CLASP2: variants seen among roughly 807,000 people sequenced by gnomAD.
CLASP2 encodes cytoplasmic linker associated protein 2, also known as CLIP-associating protein 2.
CLASP2 carries 47 observed loss-of-function variants against 194.4 expected under a neutral mutation model. The observed-to-expected ratio is 0.24, with a 90% confidence interval of 0.19 to 0.31. The LOEUF (loss-of-function observed/expected upper bound fraction) is 0.31. CLASP2 is among the 10% of genes least tolerant of loss of function. CLASP2 has a pLI of 1.00. For missense variants in CLASP2, 1,445 were observed against 1,823.6 expected (o/e 0.79, Z 3.78); for synonymous variants, 619 against 633.5 (o/e 0.98, Z 0.34).
At chr3:33,587,265 A>G (rs1482272764) in intron 21 of CLASP2, among the ~76,000 whole-genome samples, 1 of 152,046 alleles carries the variant, frequency 6.6e-6, no homozygotes, top group African/African-American at 2.4e-5. Flanking sequence ...AGCTGGGACT[A>G]CAGGCACCCG....
intron 7 of CLASP2, chr3:33,659,121 C>T (rs2084840504): frequency 6.9e-7 from 1 of 1,447,836 alleles, no homozygotes; most frequent in African/African-American, 1.4e-5. Context: ...CCAGGCCTCG[C>T]TGCAGCTCTG....
rs2062236254 is a variant in CLASP2 at position 33,564,068 on chromosome 3, T to A, written c.2766+2664A>T. On this transcript the variant is annotated intron_variant, in intron 27 of 38. Transcript: ENST00000682230. Reference sequence around the variant, plus strand: ...AGAACTCACAGAGGGGCAAACTATTTATGGTGCTATTTAGCTTTTTCTGTA... The same window carrying A: ...AGAACTCACAGAGGGGCAAACTATTAATGGTGCTATTTAGCTTTTTCTGTA... The A allele has an allele frequency of 7.9e-6, 3 of 380,214 alleles. No individual in the cohort carries two copies. In the East Asian group the frequency reaches 2.2e-4, roughly 28 times the overall value. 23.6% of individuals were successfully genotyped at this position (380,214 alleles called of 1,614,324 possible). A position where few individuals can be genotyped will look rare whatever the true frequency, so the allele number is the denominator to read the frequency against.
chr3:33,575,526 G>A (rs969104220), intron 24 of CLASP2, among the ~76,000 whole-genome samples: 3 of 152,004 alleles, frequency 2.0e-5, no homozygotes, highest in African/African-American at 4.8e-5. Context: ...ATACTGAATT[G>A]ACTTGGGAAA....
At position 33,592,406 on chromosome 3, in the gene CLASP2, G is replaced by C; in HGVS notation, c.2057C>G (p.Ser686Cys). 2 of 1,611,364 alleles carry C rather than the reference G, an allele frequency of 1.2e-6. No homozygotes were observed. The highest frequency in any genetic ancestry group is 1.7e-6 in the Non-Finnish European group (2 of 1,177,894). ...TAAGCAATACATACGCTGTGATTGA[G>C]ACACCATTTTTGTTCGACTTCTTCC... is the stretch of plus-strand genomic sequence containing the variant. Reference protein sequence around the residue: ...SRGRSRTKMVSQSQPGSRSGS... With the variant: ...SRGRSRTKMVCQSQPGSRSGS... Residue 686 changes from serine to cysteine, a missense_variant, in exon 21 of 39, where the codon TCT becomes TGT. Ser to Cys is a moderately radical substitution (Grantham distance 112, BLOSUM62 -1). Coordinates refer to ENST00000682230, the MANE Select transcript of CLASP2 (RefSeq NM_001365631.1).
At chr3:33,629,823 A>G (rs980678753) in intron 9 of CLASP2, among the ~76,000 whole-genome samples, 4 of 151,678 alleles carry the variant, frequency 2.6e-5, no homozygotes, top group African/African-American at 9.7e-5. Flanking sequence ...GAACCAAGGG[A>G]TTTTAGTATA....
chr3:33,573,236 G>C lies in CLASP2; in HGVS notation c.2573C>G (p.Pro858Arg). The change falls in exon 25 of 39, where the codon CCT becomes CGT. Residue 858 changes from proline to arginine, a missense_variant. Pro to Arg is a moderately radical substitution (Grantham distance 103). Transcript: ENST00000682230. ...RSYSSRNGSI[P>R]TYMRQTEDVA... ...ATCTTCCGTCTGCCTCATATATGTA[G>C]GAATACTACCATTTCGAGAACTATA... is the stretch of plus-strand genomic sequence containing the variant. 6.2e-7 allele frequency: 1 copy of C among 1,613,846 alleles called. No homozygotes were observed. Among genetic ancestry groups the C allele is most frequent in the Non-Finnish European group, 8.5e-7 (1 of 1,179,830 alleles).
intron 29 of CLASP2, among the ~76,000 whole-genome samples, chr3:33,552,575 T>G (rs2060209315): frequency 1.3e-5 from 2 of 152,202 alleles, no homozygotes; most frequent in Admixed American, 6.5e-5. Flanking sequence ...GGCAATTCTC[T>G]TTTTATAAAT....
intron 7 of CLASP2, chr3:33,659,243 T>C (rs950477693): frequency 1.5e-5 from 19 of 1,278,130 alleles, no homozygotes; most frequent in African/African-American, 3.0e-5. Flanking sequence ...GATTACTCTT[T>C]AGCTGCACAT....
intron 3 of CLASP2, among the ~76,000 whole-genome samples, chr3:33,689,557 C>CA (rs934821971): frequency 8.6e-5 from 13 of 151,474 alleles, no homozygotes; most frequent in Non-Finnish European, 1.5e-4. Flanking sequence ...AAAGAGAAAC[C>CA]AAAAAATCCT....
In CLASP2 at chr3:33,519,694, G is replaced by GT. The variant is rs1251878965; in HGVS notation, c.3788-2521dup. On this transcript the variant is annotated intron_variant, in intron 34 of 38. Transcript: ENST00000682230. ...AAAGCATGGGACTACTACTGCTTTA[G>GT]TTTTTTTTCTTTTTTCTTTTCTTTG... 3.3e-5 allele frequency among the ~76,000 whole-genome samples: 5 copies of GT among 152,008 alleles called. No homozygotes were observed. The East Asian group carries it at 5.8e-4, about 18-fold the overall frequency.
rs533015590 is a variant in CLASP2, at chr3:33,664,580, A to G, written c.645-1065T>C. On this transcript the variant is annotated intron_variant, in intron 6 of 38. Coordinates refer to ENST00000682230, the MANE Select transcript of CLASP2 (RefSeq NM_001365631.1). ...AAAATTTTTTTAGTTGAAATCTCCT[A>G]GGAATTCATTATAATAGGATTTCTA... Among the ~76,000 whole-genome samples, 19 of 152,318 alleles carry G rather than the reference A, an allele frequency of 1.2e-4. No individual in the cohort carries two copies. In the East Asian group the frequency reaches 2.7e-3, roughly 22 times the overall value.
chr3:33,527,486 A>G (rs2054897130), intron 34 of CLASP2, among the ~76,000 whole-genome samples: 1 of 152,190 alleles, frequency 6.6e-6, no homozygotes, highest in African/African-American at 2.4e-5. Context: ...CCTACCAATA[A>G]TAATAATAAA....
chr3:33,696,919 T>A lies in CLASP2; in HGVS notation c.210A>T (p.Gly70=), dbSNP rs775290886. 25 of 1,586,086 alleles carry A rather than the reference T, an allele frequency of 1.6e-5. No individual in the cohort carries two copies. Among genetic ancestry groups the A allele is most frequent in the Non-Finnish European group, 1.8e-5 (21 of 1,161,760 alleles). ...GSSNYRVSLM[G]LEILSAFVDR... is the part of the protein sequence containing the mutation. Reference sequence around the variant, plus strand: ...CCACAAAGGCACTTAAAATTTCCAATCCCATTAATGATACCTACAGATAAA... The same window carrying A: ...CCACAAAGGCACTTAAAATTTCCAAACCCATTAATGATACCTACAGATAAA... The change falls in exon 2 of 39, where the codon GGA becomes GGT. Residue 70 remains glycine, a synonymous_variant. Transcript: ENST00000682230.
At chr3:33,499,000 A>G (rs1397886354) in intron 38 of CLASP2, among the ~76,000 whole-genome samples, 2 of 152,286 alleles carry the variant, frequency 1.3e-5, no homozygotes, top group East Asian at 1.9e-4. Context: ...TGTAGGGATC[A>G]CATATAAAAC....
At chr3:33,579,358 C>T (rs1457367356) in intron 23 of CLASP2, among the ~76,000 whole-genome samples, 1 of 152,160 alleles carries the variant, frequency 6.6e-6, no homozygotes, top group Non-Finnish European at 1.5e-5. Context: ...ACAATGTTTA[C>T]TTTCACAGTA....
intron 19 of CLASP2, among the ~76,000 whole-genome samples, chr3:33,595,169 C>T (rs912636395): frequency 3.3e-5 from 5 of 151,960 alleles, no homozygotes; most frequent in South Asian, 2.1e-4. Context: ...TCACAGCACA[C>T]GGAAACTAGA....
chr3:33,701,976 T>C (rs761779350), intron 1 of CLASP2, among the ~76,000 whole-genome samples: 34 of 152,206 alleles, frequency 2.2e-4, no homozygotes, highest in South Asian at 4.1e-4. Flanking sequence ...GGAGACAACA[T>C]AAAATTTTAA....
At chr3:33,546,763 G>C (rs1227405515) in intron 30 of CLASP2, among the ~76,000 whole-genome samples, 1 of 152,088 alleles carries the variant, frequency 6.6e-6, no homozygotes, top group East Asian at 1.9e-4. Context: ...ACATCAGACA[G>C]CATAATCTTT....
intron 2 of CLASP2, among the ~76,000 whole-genome samples, chr3:33,691,152 C>A (rs937375903): frequency 1.3e-5 from 2 of 152,086 alleles, no homozygotes; most frequent in African/African-American, 4.8e-5. Flanking sequence ...TTTGGACTAT[C>A]GGAGGCTTCA....
Sources: allele counts gnomAD v4.1 joint callset (sites outside exome capture counted in the v4.1 genomes callset), GRCh38; gene constraint gnomAD v4.1.1; transcripts MANE v1.5; gene names NCBI Gene and HGNC (gene_info 2026-07-23, HGNC 2026-07-21).